Variants in ALK observed in about 807,000 individuals in gnomAD.
The protein encoded by ALK is ALK receptor tyrosine kinase.
ALK carries 74 observed loss-of-function variants against 163.1 expected under a neutral mutation model. The observed-to-expected ratio is 0.45, with a 90% CI of 0.38 to 0.55. The LOEUF is 0.55. Among genes scored for constraint, ALK ranks in the 20% least tolerant of loss-of-function variants. ALK has a pLI of 0.00. For synonymous variants in ALK, 960 were observed against 843.2 expected (o/e 1.14, Z -2.40); for missense variants, 2,063 against 2,105.3 (o/e 0.98, Z 0.39).
intron 4 of ALK, among the ~76,000 whole-genome samples, chr2:29,424,436 T>C (rs549761786): frequency 6.6e-6 from 1 of 152,358 alleles, no homozygotes; most frequent in African/African-American, 2.4e-5. Context: ...CTGAATATCG[T>C]GGCTACATAA....
At chr2:29,580,095 G>C (rs1674636928) in intron 3 of ALK, among the ~76,000 whole-genome samples, 1 of 152,096 alleles carries the variant, frequency 6.6e-6, no homozygotes, top group African/African-American at 2.4e-5. Flanking sequence ...TTTTCTTTCT[G>C]CCAGGGATTT....
At chr2:29,841,334 G>A (rs925412005) in intron 1 of ALK, among the ~76,000 whole-genome samples, 7 of 152,180 alleles carry the variant, frequency 4.6e-5, no homozygotes, top group Non-Finnish European at 8.8e-5. Context: ...TTCTAGAAGA[G>A]ATACTTCCGG....
intron 1 of ALK, among the ~76,000 whole-genome samples, chr2:29,852,830 CTTT>C (rs1204471650): frequency 1.3e-4 from 4 of 30,560 alleles, no homozygotes; most frequent in Admixed American, 6.4e-4. Flanking sequence ...AAGACCAGAG[CTTT>C]CTCTCTCTCT....
At chr2:29,852,697 A>G (rs1380737162) in intron 1 of ALK, among the ~76,000 whole-genome samples, 1 of 152,128 alleles carries the variant, frequency 6.6e-6, no homozygotes, top group Non-Finnish European at 1.5e-5. Flanking sequence ...TACCCCCAAA[A>G]TTTATATGCT....
intron 4 of ALK, among the ~76,000 whole-genome samples, chr2:29,408,159 T>C (rs1368077530): frequency 3.3e-5 from 5 of 150,290 alleles, no homozygotes; most frequent in Non-Finnish European, 5.9e-5. Flanking sequence ...CTTGGCTCAC[T>C]GCAAACTCTG....
At chr2:29,633,691 A>G (rs2148238986) in intron 3 of ALK, among the ~76,000 whole-genome samples, 1 of 152,184 alleles carries the variant, frequency 6.6e-6, no homozygotes, top group South Asian at 2.1e-4. Context: ...ACAAAGGAAA[A>G]AAAGAGAAAA....
intron 3 of ALK, among the ~76,000 whole-genome samples, chr2:29,533,101 GT>G (rs1400582610): frequency 1.3e-5 from 2 of 152,208 alleles, no homozygotes; most frequent in Non-Finnish European, 2.9e-5. Context: ...GGAATTGGAG[GT>G]TTCCAACTTT....
intron 1 of ALK, among the ~76,000 whole-genome samples, chr2:29,758,881 T>C (rs779826131): frequency 6.6e-6 from 1 of 152,188 alleles, no homozygotes; most frequent in Non-Finnish European, 1.5e-5. Context: ...ACTGGGGCCC[T>C]TTATACACAG....
intron 4 of ALK, 83 bp downstream of exon 4, chr2:29,531,832 A>T: frequency 7.3e-7 from 1 of 1,368,848 alleles, no homozygotes; most frequent in Admixed American, 1.7e-5. Flanking sequence ...GTTTGTAAGT[A>T]GATGTCACAG....
chr2:29,668,680 G>A (rs745681486), intron 3 of ALK, among the ~76,000 whole-genome samples: 4 of 152,020 alleles, frequency 2.6e-5, no homozygotes, highest in Admixed American at 2.0e-4. Context: ...ATCTATTCTG[G>A]AGAATATTCC....
rs79762967 is a variant in ALK at position 29,454,679 on chromosome 2, T to C, written c.1155-70820A>G. Among the ~76,000 whole-genome samples, 466 of 144,408 alleles carry C rather than the reference T, an allele frequency of 3.2e-3. 5 individuals are homozygous for C. The highest frequency in any genetic ancestry group is 0.01 in the African/African-American group (400 of 38,260). 94.7% of individuals were successfully genotyped at this position (144,408 alleles called of 152,430 possible). On this transcript the variant is annotated intron_variant, in intron 4 of 28. Coordinates refer to ENST00000389048, the MANE Select transcript of ALK (RefSeq NM_004304.5). ...AATTGCTAATCATATGCCTATATAA[T>C]AGGCACAAACCAAAACAAAAAACCA...
intron 1 of ALK, among the ~76,000 whole-genome samples, chr2:29,905,082 G>T (rs552315192): frequency 3.3e-5 from 5 of 152,334 alleles, no homozygotes; most frequent in Admixed American, 2.0e-4. Flanking sequence ...TCCTTCTCCA[G>T]ATGCCACCAC....
chr2:29,422,382 A>G (rs1670035456), intron 4 of ALK, among the ~76,000 whole-genome samples: 1 of 151,186 alleles, frequency 6.6e-6, no homozygotes, highest in South Asian at 2.1e-4. Flanking sequence ...GTGGGGTTCT[A>G]CTCACTCAGA....
At position 29,225,419 on chromosome 2, in the gene ALK, C is replaced by G. The variant is rs930951152; in HGVS notation, c.3172+42G>C. 2.0e-6 allele frequency: 3 copies of G among 1,534,050 alleles called. No homozygotes were observed. In the Admixed American group the frequency reaches 5.3e-5, roughly 27 times the overall value. On this transcript the variant is annotated intron_variant, in intron 19 of 28. Transcript: ENST00000389048. ...AGCCTGAGACACTATTCAGTCCTGC[C>G]TTCCTGCCCCCTTGGGAGTCCCTGG...
chr2:29,920,984 G>A lies in ALK; in HGVS notation c.-325C>T, dbSNP rs925769077. 4 of 400,982 alleles carry A rather than the reference G, an allele frequency of 1.0e-5. No individual in the cohort carries two copies. The highest frequency in any genetic ancestry group is 8.1e-5 in the Admixed American group (2 of 24,660). 24.8% of individuals were successfully genotyped at this position (400,982 alleles called of 1,614,324 possible). A position where few individuals can be genotyped will look rare whatever the true frequency, so the allele number is the denominator to read the frequency against. On this transcript the variant is annotated 5_prime_UTR_variant, in exon 1 of 29. Coordinates refer to ENST00000389048, the MANE Select transcript of ALK (RefSeq NM_004304.5). ...TGTAGCTCGCTGCGCTCGGTACAGA[G>A]GAACTACTATGGTTGAAGGGAGGTG...
rs1431972310 is a variant in ALK at position 29,853,981 on chromosome 2, C to T, written c.667+66012G>A. 2.6e-5 allele frequency among the ~76,000 whole-genome samples: 4 copies of T among 151,512 alleles called. No homozygotes were observed. In the East Asian group the frequency reaches 7.8e-4, roughly 30 times the overall value. On this transcript the variant is annotated intron_variant, in intron 1 of 28. Transcript: ENST00000389048. ...CTGGAGTGCAGTGGCACGATCTGGGCTCGCTACAACCTTCACCTCCTGGAT... is the reference window on the plus strand; with the variant it reads ...CTGGAGTGCAGTGGCACGATCTGGGTTCGCTACAACCTTCACCTCCTGGAT...
chr2:29,760,767 G>C (rs1208283257), intron 1 of ALK, among the ~76,000 whole-genome samples: 2 of 152,154 alleles, frequency 1.3e-5, no homozygotes, highest in Admixed American at 6.5e-5. Context: ...TGAAACTCTG[G>C]AACCCAACCA....
chr2:29,767,153 T>G (rs945641811), intron 1 of ALK, among the ~76,000 whole-genome samples: 38 of 152,352 alleles, frequency 2.5e-4, no homozygotes, highest in Admixed American at 1.0e-3. Flanking sequence ...ACATATAATT[T>G]TTACTTTTCA....
At chr2:29,628,174 T>C (rs951859089) in intron 3 of ALK, among the ~76,000 whole-genome samples, 2 of 152,218 alleles carry the variant, frequency 1.3e-5, no homozygotes, top group African/African-American at 4.8e-5. Flanking sequence ...ATTTCAGATA[T>C]GTTTGCTTAA....
Sources: allele counts gnomAD v4.1 joint callset (sites outside exome capture counted in the v4.1 genomes callset), GRCh38; gene constraint gnomAD v4.1.1; transcripts MANE v1.5; gene names NCBI Gene and HGNC (gene_info 2026-07-23, HGNC 2026-07-21).